The following CLDN10 variants were observed in gnomAD, a reference collection of about 807,000 sequenced individuals.
CLDN10 encodes claudin 10, also known as claudin-10.
In CLDN10, 15 loss-of-function variants were observed where a neutral mutation model predicts 22.9. The observed-to-expected ratio is 0.65, with a 90% CI of 0.44 to 1.01. CLDN10 has a LOEUF of 1.01. CLDN10 is among the 50% of genes least tolerant of loss of function. CLDN10 has a pLI of 0.00. For missense variants in CLDN10, 247 were observed against 287.8 expected (o/e 0.86, Z 1.03); for synonymous variants, 114 against 111.4 (o/e 1.02, Z -0.15).
At chr13:95,464,844 G>A (rs1297843272) in intron 1 of CLDN10, among the ~76,000 whole-genome samples, 6 of 151,924 alleles carry the variant, frequency 3.9e-5, no homozygotes, top group Admixed American at 1.3e-4. Flanking sequence ...TGATCCTCCC[G>A]CCTCAGCCTC....
chr13:95,529,202 T>C (rs902923052), intron 1 of CLDN10, among the ~76,000 whole-genome samples: 3 of 152,146 alleles, frequency 2.0e-5, no homozygotes, highest in African/African-American at 7.2e-5. Flanking sequence ...ATCCTCAAAA[T>C]AATCAGAAGA....
At chr13:95,441,881 G>A (rs1295787263) in intron 1 of CLDN10, among the ~76,000 whole-genome samples, 1 of 152,198 alleles carries the variant, frequency 6.6e-6, no homozygotes, top group Non-Finnish European at 1.5e-5. Flanking sequence ...GCCAGGCATG[G>A]TGGCTCATGC....
chr13:95,437,671 T>G (rs1247900392), intron 1 of CLDN10, among the ~76,000 whole-genome samples: 1 of 152,054 alleles, frequency 6.6e-6, no homozygotes, highest in African/African-American at 2.4e-5. Flanking sequence ...AGACTACAGA[T>G]GGTTCGCGAT....
At chr13:95,566,974 G>C (rs547254528) in intron 3 of CLDN10, among the ~76,000 whole-genome samples, 1 of 152,090 alleles carries the variant, frequency 6.6e-6, no homozygotes, top group Non-Finnish European at 1.5e-5. Context: ...TGTTCCATTG[G>C]TCTATATATC....
At chr13:95,491,959 G>A (rs2042875883) in intron 1 of CLDN10, among the ~76,000 whole-genome samples, 1 of 152,172 alleles carries the variant, frequency 6.6e-6, no homozygotes, top group Non-Finnish European at 1.5e-5. Flanking sequence ...CACCCAGTGA[G>A]TCTAGCCAGC....
chr13:95,479,185 C>T (rs2042716614), intron 1 of CLDN10, among the ~76,000 whole-genome samples: 1 of 152,138 alleles, frequency 6.6e-6, no homozygotes, highest in Admixed American at 6.5e-5. Context: ...CGTATCTCTA[C>T]TAAAAATATA....
chr13:95,455,982 T>C (rs1465458762), intron 1 of CLDN10, among the ~76,000 whole-genome samples: 1 of 152,254 alleles, frequency 6.6e-6, no homozygotes, highest in Non-Finnish European at 1.5e-5. Flanking sequence ...TGAAACAGCA[T>C]GTTGTGCTAG....
intron 3 of CLDN10, among the ~76,000 whole-genome samples, chr13:95,567,831 G>A (rs1399555997): frequency 2.0e-5 from 3 of 152,134 alleles, no homozygotes; most frequent in Non-Finnish European, 4.4e-5. Flanking sequence ...TTAGCATGAA[G>A]GGCTGTTGAA....
chr13:95,447,937 G>T (rs1236817182), intron 1 of CLDN10, among the ~76,000 whole-genome samples: 1 of 152,090 alleles, frequency 6.6e-6, no homozygotes, highest in Non-Finnish European at 1.5e-5. Context: ...GCCCTGCGGG[G>T]GTGCAGCTAT....
chr13:95,538,996 C>G (rs768005377), intron 1 of CLDN10, among the ~76,000 whole-genome samples: 1 of 152,196 alleles, frequency 6.6e-6, no homozygotes, highest in African/African-American at 2.4e-5. Flanking sequence ...TCTCTGGCCT[C>G]AGCCTCCCGA....
At chr13:95,509,424 G>T (rs191876990) in intron 1 of CLDN10, among the ~76,000 whole-genome samples, 11 of 152,212 alleles carry the variant, frequency 7.2e-5, no homozygotes, top group Admixed American at 6.5e-4. Flanking sequence ...TGACATCGAG[G>T]AAAATTGAGC....
At chr13:95,562,148 T>C (rs2043722304) in intron 3 of CLDN10, among the ~76,000 whole-genome samples, 2 of 151,306 alleles carry the variant, frequency 1.3e-5, no homozygotes, top group African/African-American at 4.9e-5. Flanking sequence ...GCCAGGCTGG[T>C]CTCGAACTCC....
intron 1 of CLDN10, among the ~76,000 whole-genome samples, chr13:95,511,390 A>G (rs1205041194): frequency 6.6e-6 from 1 of 151,932 alleles, no homozygotes; most frequent in African/African-American, 2.4e-5. Context: ...TAGGTTTGAA[A>G]GTCCTAAAAC....
intron 1 of CLDN10, among the ~76,000 whole-genome samples, chr13:95,446,407 T>C (rs921281857): frequency 2.0e-5 from 3 of 152,252 alleles, no homozygotes; most frequent in Admixed American, 2.0e-4. Context: ...GCTAGATAAC[T>C]TGGAATACGG....
At chr13:95,505,592 C>T (rs1185817656) in intron 1 of CLDN10, among the ~76,000 whole-genome samples, 1 of 152,190 alleles carries the variant, frequency 6.6e-6, no homozygotes, top group East Asian at 1.9e-4. Flanking sequence ...GCAAATACAA[C>T]TCAAAGCTCT....
chr13:95,435,447 T>C (rs181064922), intron 1 of CLDN10, among the ~76,000 whole-genome samples: 3 of 152,290 alleles, frequency 2.0e-5, no homozygotes, highest in African/African-American at 7.2e-5. Context: ...AAAGAGAGAA[T>C]ACTTAACTAA....
At chr13:95,514,137 A>C (rs2043136594) in intron 1 of CLDN10, among the ~76,000 whole-genome samples, 1 of 152,106 alleles carries the variant, frequency 6.6e-6, no homozygotes, top group Admixed American at 6.6e-5. Context: ...GCATGCCTGT[A>C]ATCCCAGCTA....
chr13:95,530,449 C>T (rs575217746), intron 1 of CLDN10, among the ~76,000 whole-genome samples: 4 of 152,168 alleles, frequency 2.6e-5, no homozygotes, highest in Non-Finnish European at 2.9e-5. Flanking sequence ...CAGGCAAATC[C>T]ATCTGGGGTG....
intron 3 of CLDN10, among the ~76,000 whole-genome samples, chr13:95,576,673 C>T (rs1357808984): frequency 6.6e-6 from 1 of 152,174 alleles, no homozygotes; most frequent in South Asian, 2.1e-4. Flanking sequence ...CTGCGGTCAT[C>T]GGCAGAGCAC....
Sources: allele counts gnomAD v4.1 joint callset (sites outside exome capture counted in the v4.1 genomes callset), GRCh38; gene constraint gnomAD v4.1.1; transcripts MANE v1.5; gene names NCBI Gene and HGNC (gene_info 2026-07-23, HGNC 2026-07-21).